CLIC5: variants seen among roughly 807,000 people sequenced by gnomAD.
The protein encoded by CLIC5 is chloride intracellular channel protein 5.
A neutral mutation model predicts 24.7 loss-of-function variants in CLIC5; 20 were observed. That is an observed-to-expected ratio of 0.81 (90% CI 0.57 to 1.18). The LOEUF is 1.18. CLIC5 is among the 50% of genes most tolerant of loss of function. CLIC5 has a pLI of 0.00. For synonymous variants in CLIC5, 159 were observed against 135.6 expected, an observed-to-expected ratio of 1.17 and a Z score of -1.20; for missense variants, 341 against 326.1, an observed-to-expected ratio of 1.05 and a Z score of -0.35.
At chr6:46,085,235 C>T (rs946265008), upstream of CLIC5, among the ~76,000 whole-genome samples, 3 of 152,184 alleles carry the variant, frequency 2.0e-5, no homozygotes, top group Non-Finnish European at 4.4e-5. Context: ...TCCTATAGCT[C>T]GGAGTAGTTT....
chr6:46,052,657 G>A (rs73464404), intron 1 of CLIC5, among the ~76,000 whole-genome samples: 18,483 of 152,154 alleles, frequency 0.12, 1,225 homozygotes, highest in Middle Eastern at 0.17. Context: ...ATTGGAGGGA[G>A]TCAGTGAAAT....
At chr6:46,125,427 G>A in the CLIC5 span, among the ~76,000 whole-genome samples, 295 of 152,230 alleles carry the variant, frequency 1.9e-3, no homozygotes, top group African/African-American at 6.9e-3. Context: ...GGCCTGTTGT[G>A]GGGTGGGAGG....
At chr6:45,884,866 C>T (rs572727848) in intron 6 of CLIC5, among the ~76,000 whole-genome samples, 12 of 152,014 alleles carry the variant, frequency 7.9e-5, no homozygotes, top group African/African-American at 2.2e-4. Flanking sequence ...TCTGGTACCC[C>T]CAACTCCTTC....
intron 1 of CLIC5, among the ~76,000 whole-genome samples, chr6:46,010,039 C>T (rs1766748765): frequency 6.6e-6 from 1 of 152,096 alleles, no homozygotes; most frequent in African/African-American, 2.4e-5. Flanking sequence ...CATTGGTCTG[C>T]AGCAATGAGA....
At chr6:45,950,630 T>C (rs1387561192) in intron 2 of CLIC5, among the ~76,000 whole-genome samples, 1 of 152,184 alleles carries the variant, frequency 6.6e-6, no homozygotes, top group Admixed American at 6.5e-5. Context: ...TGATTTTAGC[T>C]GCAAAAGTAG....
At chr6:46,044,161 A>G (rs755017452) in intron 1 of CLIC5, among the ~76,000 whole-genome samples, 34 of 152,200 alleles carry the variant, frequency 2.2e-4, no homozygotes, top group Admixed American at 7.8e-4. Context: ...GAATGCTTCA[A>G]AGGTTCTTTC....
chr6:45,919,122 C>A (rs1763148896), intron 4 of CLIC5: 1 of 984,848 alleles, frequency 1.0e-6, no homozygotes. Context: ...TGGATTATAA[C>A]CTAGTCTGAT....
At chr6:46,052,314 C>T (rs556991022) in intron 1 of CLIC5, among the ~76,000 whole-genome samples, 16 of 152,250 alleles carry the variant, frequency 1.1e-4, no homozygotes, top group Admixed American at 7.2e-4. Context: ...ACCCTTTGCT[C>T]ATGCACAATG....
intron 1 of CLIC5, among the ~76,000 whole-genome samples, chr6:46,068,921 T>C (rs1029268160): frequency 6.6e-6 from 1 of 152,128 alleles, no homozygotes; most frequent in Non-Finnish European, 1.5e-5. Flanking sequence ...CAGTTTGAGA[T>C]ACTTTATTGC....
chr6:45,904,954 C>T (rs1762616815), intron 5 of CLIC5, among the ~76,000 whole-genome samples: 1 of 151,982 alleles, frequency 6.6e-6, no homozygotes, highest in Non-Finnish European at 1.5e-5. Flanking sequence ...TTAGCTCCTA[C>T]TTATAAGTGA....
intron 1 of CLIC5, among the ~76,000 whole-genome samples, chr6:46,001,236 A>G (rs1766345783): frequency 6.6e-6 from 1 of 152,166 alleles, no homozygotes; most frequent in Non-Finnish European, 1.5e-5. Context: ...GTGGGTACCA[A>G]GAGAAGGTCC....
At chr6:46,029,095 A>G (rs1767426469) in intron 1 of CLIC5, among the ~76,000 whole-genome samples, 1 of 152,122 alleles carries the variant, frequency 6.6e-6, no homozygotes, top group Non-Finnish European at 1.5e-5. Flanking sequence ...GAATTCTTTA[A>G]CTTAGTAATA....
the CLIC5 span, among the ~76,000 whole-genome samples, chr6:46,104,760 A>G: frequency 2.0e-5 from 3 of 152,244 alleles, no homozygotes; most frequent in East Asian, 5.8e-4. Context: ...AAAGACACAT[A>G]ATAGTATCAT....
intron 1 of CLIC5, among the ~76,000 whole-genome samples, chr6:46,023,016 C>T (rs932724652): frequency 6.6e-6 from 1 of 152,184 alleles, no homozygotes; most frequent in Non-Finnish European, 1.5e-5. Context: ...TACATACTTA[C>T]AAACAGGCTA....
intron 4 of CLIC5, among the ~76,000 whole-genome samples, chr6:45,938,463 T>G (rs970532163): frequency 6.6e-6 from 1 of 152,108 alleles, no homozygotes; most frequent in Non-Finnish European, 1.5e-5. Flanking sequence ...AAGGAATGTG[T>G]GGTGTCTTGT....
At chr6:46,032,035 C>T (rs1214914506) in intron 1 of CLIC5, among the ~76,000 whole-genome samples, 1 of 151,232 alleles carries the variant, frequency 6.6e-6, no homozygotes. Context: ...TGTATTAGTC[C>T]ATTCTTGGAC....
At chr6:45,954,802 G>A (rs1764588803) in intron 2 of CLIC5, among the ~76,000 whole-genome samples, 1 of 152,216 alleles carries the variant, frequency 6.6e-6, no homozygotes, top group Non-Finnish European at 1.5e-5. Context: ...CACGGATGAT[G>A]GCCTTAGTAC....
the CLIC5 span, among the ~76,000 whole-genome samples, chr6:46,085,453 G>C: frequency 1.3e-5 from 2 of 152,098 alleles, no homozygotes; most frequent in Non-Finnish European, 2.9e-5. Flanking sequence ...TGGGTTTTTG[G>C]TGTGGATGTC....
At chr6:46,076,474 A>T (rs1762773245) in intron 1 of CLIC5, among the ~76,000 whole-genome samples, 1 of 152,194 alleles carries the variant, frequency 6.6e-6, no homozygotes, top group South Asian at 2.1e-4. Flanking sequence ...GAGTCGGAAG[A>T]AGGCAATGGG....
Sources: allele counts gnomAD v4.1 joint callset (sites outside exome capture counted in the v4.1 genomes callset), GRCh38; gene constraint gnomAD v4.1.1; transcripts MANE v1.5; gene names NCBI Gene and HGNC (gene_info 2026-07-23, HGNC 2026-07-21).